CHL1: variants seen among roughly 807,000 people sequenced by gnomAD.
CHL1 encodes the protein neural cell adhesion molecule L1-like protein.
In CHL1, 96 loss-of-function variants were observed where a neutral mutation model predicts 141.9. That is an observed-to-expected ratio of 0.68 (90% CI 0.57 to 0.80). The LOEUF is 0.80. CHL1 is among the 30% of genes least tolerant of loss of function. The probability of loss-of-function intolerance (pLI) is 0.00; values close to 1 mark genes in which losing one functional copy is unlikely to be tolerated. For synonymous variants in CHL1, 613 were observed against 502.2 expected, an observed-to-expected ratio of 1.22 and a Z score of -2.95; for missense variants, 1,820 against 1,457.2, an observed-to-expected ratio of 1.25 and a Z score of -4.05.
At chr3:336,366 G>A (rs1259322587) in intron 5 of CHL1, among the ~76,000 whole-genome samples, 1 of 152,020 alleles carries the variant, frequency 6.6e-6, no homozygotes, top group South Asian at 2.1e-4. Context: ...AGTGTTTTTT[G>A]GTTTTTGTTT....
At chr3:356,910 A>G (rs1703771606) in intron 11 of CHL1, among the ~76,000 whole-genome samples, 1 of 152,180 alleles carries the variant, frequency 6.6e-6, no homozygotes. Flanking sequence ...GAGTGACACA[A>G]TCTAATTTAC....
rs528346122 is a variant in CHL1 at position 243,846 on chromosome 3, G to A, written c.-174-767G>A. On this transcript the variant is annotated intron_variant, in intron 1 of 27. Transcript: ENST00000256509. ...CTTCTGAATGATGTTCAGTCATTAAGTTATGACAGCTGGTATGCAAAAAAA... is the reference window on the plus strand; with the variant it reads ...CTTCTGAATGATGTTCAGTCATTAAATTATGACAGCTGGTATGCAAAAAAA... 3.2e-4 allele frequency among the ~76,000 whole-genome samples: 49 copies of A among 152,288 alleles called. No homozygotes were observed. The South Asian group carries it at 5.6e-3, about 17-fold the overall frequency.
chr3:368,124 T>G (rs748967585), intron 15 of CHL1, among the ~76,000 whole-genome samples: 8 of 152,218 alleles, frequency 5.3e-5, no homozygotes, highest in Non-Finnish European at 8.8e-5. Flanking sequence ...GTAATGTGAT[T>G]GCTGGGTCAA....
chr3:216,832 T>A (rs956170488), intron 1 of CHL1, among the ~76,000 whole-genome samples: 1 of 152,180 alleles, frequency 6.6e-6, no homozygotes, highest in Non-Finnish European at 1.5e-5. Context: ...TGCTGATATA[T>A]GGAAATGCCA....
intron 2 of CHL1, among the ~76,000 whole-genome samples, chr3:305,473 T>C (rs1403119306): frequency 1.3e-5 from 2 of 152,044 alleles, no homozygotes; most frequent in Non-Finnish European, 2.9e-5. Flanking sequence ...ACTTTATAGC[T>C]AAAAAGTTTA....
chr3:369,201 C>T (rs55783684), intron 15 of CHL1, among the ~76,000 whole-genome samples: 38,480 of 150,984 alleles, frequency 0.25, 5,375 homozygotes, highest in East Asian at 0.44. Context: ...TGGCCATTTT[C>T]GTGATATTTA....
intron 2 of CHL1, among the ~76,000 whole-genome samples, chr3:299,702 C>A (rs11923863): frequency 1.3e-5 from 2 of 152,176 alleles, no homozygotes; most frequent in African/African-American, 4.8e-5. Flanking sequence ...CTCCATGACC[C>A]TGTGTGAGCT....
chr3:372,501 G>A (rs1559325092), intron 15 of CHL1, among the ~76,000 whole-genome samples: 2 of 152,110 alleles, frequency 1.3e-5, no homozygotes, highest in Non-Finnish European at 2.9e-5. Flanking sequence ...CTAGTTAGCA[G>A]CTCCTGTGAC....
intron 2 of CHL1, among the ~76,000 whole-genome samples, chr3:286,139 T>C (rs1476976136): frequency 6.6e-6 from 1 of 152,196 alleles, no homozygotes; most frequent in Non-Finnish European, 1.5e-5. Context: ...AAGATGTCTC[T>C]GCCCACCCTA....
intron 26 of CHL1, among the ~76,000 whole-genome samples, chr3:399,835 A>G (rs745395251): frequency 5.9e-5 from 9 of 152,120 alleles, no homozygotes; most frequent in Non-Finnish European, 1.3e-4. Context: ...TATTTTTCGC[A>G]CTAGTGCATT....
At chr3:333,606 A>T (rs2125105040) in intron 5 of CHL1, among the ~76,000 whole-genome samples, 1 of 152,298 alleles carries the variant, frequency 6.6e-6, no homozygotes, top group African/African-American at 2.4e-5. Context: ...TGGCACAGGG[A>T]TTTTGTCAGT....
intron 24 of CHL1, among the ~76,000 whole-genome samples, chr3:397,005 CA>C (rs1324842801): frequency 6.6e-6 from 1 of 152,024 alleles, no homozygotes; most frequent in African/African-American, 2.4e-5. Context: ...GGCATTTGTT[CA>C]AAAAATAGGA....
chr3:227,107 G>A (rs961127232), intron 1 of CHL1, among the ~76,000 whole-genome samples: 8 of 152,120 alleles, frequency 5.3e-5, no homozygotes, highest in African/African-American at 1.9e-4. Context: ...CGTAAATGTT[G>A]TCCACCTCTT....
intron 2 of CHL1, among the ~76,000 whole-genome samples, chr3:255,446 AG>A (rs568060192): frequency 2.2e-4 from 34 of 152,246 alleles, no homozygotes; most frequent in African/African-American, 7.2e-4. Flanking sequence ...AGTAACTTCT[AG>A]GTCACAGAGA....
intron 19 of CHL1, among the ~76,000 whole-genome samples, chr3:388,944 C>T (rs142018140): frequency 6.6e-6 from 1 of 152,326 alleles, no homozygotes; most frequent in African/African-American, 2.4e-5. Context: ...AGCTAAAACA[C>T]TTTGTGGAAT....
At chr3:227,917 T>C (rs1003232240) in intron 1 of CHL1, among the ~76,000 whole-genome samples, 1 of 152,204 alleles carries the variant, frequency 6.6e-6, no homozygotes, top group African/African-American at 2.4e-5. Flanking sequence ...ATAACAGCAC[T>C]CGTCTTTTTC....
intron 1 of CHL1, among the ~76,000 whole-genome samples, chr3:234,097 C>A (rs1420097728): frequency 6.6e-6 from 1 of 151,822 alleles, no homozygotes; most frequent in African/African-American, 2.4e-5. Context: ...GTAGCTATAG[C>A]ACTGGGTGAA....
At chr3:312,269 C>T (rs1448499375) in intron 2 of CHL1, among the ~76,000 whole-genome samples, 1 of 152,114 alleles carries the variant, frequency 6.6e-6, no homozygotes, top group African/African-American at 2.4e-5. Context: ...ACAAAATGTG[C>T]CAGCTCTGCA....
chr3:358,987 A>ATG, intron 11 of CHL1, among the ~76,000 whole-genome samples: 1 of 147,402 alleles, frequency 6.8e-6, no homozygotes, highest in East Asian at 1.9e-4. Context: ...ATATATATAT[A>ATG]TTATATACGG....
Sources: gnomAD v4.1 joint callset for allele counts (sites outside exome capture counted in the v4.1 genomes callset) on GRCh38, gnomAD v4.1.1 for gene constraint, MANE v1.5 for transcripts, NCBI Gene and HGNC (gene_info 2026-07-23, HGNC 2026-07-21) for gene names.